Variants in MSLN observed in about 807,000 individuals in gnomAD.
The protein encoded by MSLN is CAK1 antigen.
In MSLN, 82 loss-of-function variants were observed where a neutral mutation model predicts 72.6. The observed-to-expected ratio is 1.13, with a 90% confidence interval of 0.94 to 1.36. The LOEUF (loss-of-function observed/expected upper bound fraction) is 1.36. Ranked by LOEUF, MSLN falls within the 40% of genes most tolerant of loss-of-function variation. MSLN has a pLI of 0.00. For missense variants in MSLN, 1,005 were observed against 847.9 expected, an observed-to-expected ratio of 1.19 and a Z score of -2.30; for synonymous variants, 456 against 387.3, an observed-to-expected ratio of 1.18 and a Z score of -2.08.
At position 766,118 on chromosome 16, in the gene MSLN, A is replaced by G. The variant is rs931649687; in HGVS notation, c.955A>G (p.Lys319Glu). The G allele has an allele frequency of 3.1e-6, 5 of 1,612,718 alleles. No individual in the cohort carries two copies. The highest frequency in any genetic ancestry group is 1.1e-5 in the South Asian group (1 of 91,086). The change falls in exon 12 of 18, where the codon AAG (lysine) becomes GAG (glutamate). Residue 319 changes from lysine to glutamate, a missense_variant. Physicochemically the swap from Lys to Glu is moderately conservative, Grantham distance 56. Coordinates refer to ENST00000545450, the MANE Select transcript of MSLN (RefSeq NM_005823.6). ...REIDESLIFY[K>E]KWELEACVDA... ...GATAGACGAGAGCCTCATCTTCTAC[A>G]AGAAGTGGGAGCTGGAAGCCTGCGT...
At position 766,183 on chromosome 16, in the gene MSLN, C is replaced by A. The variant is rs377050647; in HGVS notation, c.1020C>A (p.Asn340Lys). Residue 340 changes from asparagine to lysine, a missense_variant, in exon 12 of 18, where the codon AAC becomes AAA. By Grantham distance (94) the Asn-to-Lys change is moderately conservative. Transcript: ENST00000545450. ...ALLATQMDRV[N>K]AIPFTYEQLD... The stretch of plus-strand genomic sequence containing the variant: ...TGGCCACCCAGATGGACCGCGTGAA[C>A]GCCATCCCCTTCACCTACGAGCAGC... The A allele has an allele frequency of 1.9e-6, 3 of 1,612,562 alleles. No individual in the cohort carries two copies. In the South Asian group the frequency reaches 3.3e-5, roughly 18 times the overall value.
chr16:763,791 T>TCCCCTCCCCCACACCCTCCCCCACC, intron 5 of MSLN, 100 bp downstream of exon 5: 1 of 635,464 alleles, frequency 1.6e-6, no homozygotes, highest in Non-Finnish European at 2.7e-6. Flanking sequence ...CCCTCCCCCT[T>TCCCCTCCCCCACACCCTCCCCCACC]CCTCCTCTGC....
At chr16:763,563 G>T in intron 4 of MSLN, 79 bp from the exon 5 acceptor site, 1 of 1,396,106 alleles carries the variant, frequency 7.2e-7, no homozygotes. Context: ...GGAGTACCTG[G>T]CCCAGGGGTA....
At chr16:764,815 C>T in intron 7 of MSLN, 89 bp downstream of exon 7, 1 of 1,584,358 alleles carries the variant, frequency 6.3e-7, no homozygotes, top group Non-Finnish European at 8.6e-7. Flanking sequence ...GATCCCAGGC[C>T]ACAGCAGAGA....
In MSLN at chr16:765,202, C is replaced by T. The variant is rs8062940; in HGVS notation, c.603C>T (p.Ala201=). The part of the protein sequence containing the change: ...DLPGRFVAES[A]EVLLPRLVSC... ...CTGGGCGCTTTGTGGCCGAGTCGGC[C>T]GAAGTGCTGCTACCCCGGCTGGTGA... Residue 201 remains alanine, a synonymous_variant, in exon 9 of 18, where the codon GCC becomes GCT. Transcript: ENST00000545450. 6,440 of 1,591,668 alleles carry T rather than the reference C, an allele frequency of 4.0e-3. 103 individuals carry two copies. The African/African-American group carries it at 0.046, about 11-fold the overall frequency.
At position 765,735 on chromosome 16, in the gene MSLN, C is replaced by G. The variant is rs913112945; in HGVS notation, c.840C>G (p.Ser280=). Residue 280 remains serine, a synonymous_variant, in exon 11 of 18, where the codon TCC becomes TCG. Coordinates refer to ENST00000545450, the MANE Select transcript of MSLN (RefSeq NM_005823.6). Reference sequence around the variant, plus strand: ...GGCAACGCTCCTCTCGGGACCCATCCTGGCGGCAGCCTGAACGGACCATCC... The same window carrying G: ...GGCAACGCTCCTCTCGGGACCCATCGTGGCGGCAGCCTGAACGGACCATCC... The part of the protein sequence containing the change: ...AWRQRSSRDP[S]WRQPERTILR... 1.2e-6 allele frequency: 2 copies of G among 1,600,774 alleles called. No homozygotes were observed. The highest frequency in any genetic ancestry group is 3.3e-5 in the Admixed American group (2 of 59,970).
chr16:764,744 AACCC>A lies in MSLN; in HGVS notation c.380+23_380+26del. On this transcript the variant is annotated intron_variant, in intron 7 of 17. Coordinates refer to ENST00000545450, the MANE Select transcript of MSLN (RefSeq NM_005823.6). Reference sequence around the variant, plus strand: ...TTCCTCAAGTAGGCCCTGCCCCCTGAACCCACCCCCCCGGCTTTTGCCGCCAGCC... The same window carrying A: ...TTCCTCAAGTAGGCCCTGCCCCCTGAACCCCCCCGGCTTTTGCCGCCAGCC... The A allele has an allele frequency of 6.3e-7, 1 of 1,584,010 alleles. No homozygotes were observed. Among genetic ancestry groups the A allele is most frequent in the Non-Finnish European group, 8.6e-7 (1 of 1,157,100 alleles).
intron 5 of MSLN, 46 bp from the exon 6 acceptor site, chr16:763,977 G>T: frequency 6.3e-7 from 1 of 1,588,972 alleles, no homozygotes; most frequent in Non-Finnish European, 8.5e-7. Context: ...GGTGGACATT[G>T]CAGGGGAGGG....
At chr16:767,104 G>A (rs1055044281) in intron 15 of MSLN, 92 bp downstream of exon 15, 86 of 1,572,406 alleles carry the variant, frequency 5.5e-5, no homozygotes, top group Admixed American at 1.0e-4. Flanking sequence ...TCGCCGGGCC[G>A]TCTGCTGCCA....
chr16:767,337 A>AG (rs775936732), intron 15 of MSLN, 39 bp from the exon 16 acceptor site: 1 of 1,552,822 alleles, frequency 6.4e-7, no homozygotes, highest in Non-Finnish European at 8.9e-7. Context: ...TGGGGGTGTG[A>AG]GGTGAGGCCT....
At position 766,487 on chromosome 16, in the gene MSLN, TCAGGTGACCGTCC is replaced by T. The variant is rs764025983; in HGVS notation, c.1228_1230+10del. The T allele has an allele frequency of 1.2e-6, 2 of 1,612,368 alleles. No homozygotes were observed. The highest frequency in any genetic ancestry group is 2.7e-5 in the African/African-American group (2 of 74,858). On this transcript the variant is annotated splice_donor_variant and splice_donor_5th_base_variant and coding_sequence_variant and intron_variant, in exon 13 of 18. Coordinates refer to ENST00000545450, the MANE Select transcript of MSLN (RefSeq NM_005823.6). LOFTEE classifies it high-confidence loss of function. ...TCAACAAAGGGCACGAAATGAGTCCTCAGGTGACCGTCCGGCTCGGGGGTCATGTGGCATGAGA... is the reference window on the plus strand; with the variant it reads ...TCAACAAAGGGCACGAAATGAGTCCTGGCTCGGGGGTCATGTGGCATGAGA...
intron 11 of MSLN, 62 bp downstream of exon 11, chr16:765,852 CA>C (rs1250334803): frequency 1.3e-6 from 2 of 1,502,284 alleles, no homozygotes; most frequent in African/African-American, 2.8e-5. Context: ...GGGTGGGCAT[CA>C]CTTTAGGGTC....
In MSLN at chr16:766,239, T is replaced by C. The variant is rs563481735; in HGVS notation, c.1074+2T>C. ...GTCCTAAAGCATAAACTGGATGAGG[T>C]AGTTCATGACTCAAGTTCCCACCGG... is the stretch of plus-strand genomic sequence containing the variant. On this transcript the variant is annotated splice_donor_variant, in intron 12 of 17. Coordinates refer to ENST00000545450, the MANE Select transcript of MSLN (RefSeq NM_005823.6). LOFTEE classifies it high-confidence loss of function. The C allele has an allele frequency of 2.5e-6, 4 of 1,608,604 alleles. No individual in the cohort carries two copies. Among genetic ancestry groups the C allele is most frequent in the East Asian group, 2.2e-5 (1 of 44,696 alleles).
chr16:766,039 CT>C lies in MSLN; in HGVS notation c.896-19del, dbSNP rs776332525. On this transcript the variant is annotated intron_variant, in intron 11 of 17. Coordinates refer to ENST00000545450, the MANE Select transcript of MSLN (RefSeq NM_005823.6). ...GTCAAACGAACTCCGGCCCTGACCCCTGACCCCTGTGCCCTGCAGAGACAGC... is the reference window on the plus strand; with the variant it reads ...GTCAAACGAACTCCGGCCCTGACCCCGACCCCTGTGCCCTGCAGAGACAGC... 2 of 1,591,220 alleles carry C rather than the reference CT, an allele frequency of 1.3e-6. No homozygotes were observed. The highest frequency in any genetic ancestry group is 1.7e-6 in the Non-Finnish European group (2 of 1,166,884).
intron 5 of MSLN, 23 bp from the exon 6 acceptor site, chr16:764,000 G>A (rs761614156): frequency 4.4e-6 from 7 of 1,594,482 alleles, no homozygotes; most frequent in Admixed American, 1.7e-5. Flanking sequence ...GATCGTGGGT[G>A]CCCAGCCCGA....
chr16:762,324 G>A (rs2041545954), intron 2 of MSLN, among the ~76,000 whole-genome samples: 1 of 152,214 alleles, frequency 6.6e-6, no homozygotes, highest in African/African-American at 2.4e-5. Context: ...TGCGAGAGTG[G>A]GGAGACTCAG....
Position 766,794 on chromosome 16 carries a change from C to T in MSLN, c.1357C>T (p.Pro453Ser), listed in dbSNP as rs199983505. 32 of 1,612,242 alleles carry T rather than the reference C, an allele frequency of 2.0e-5. No homozygotes were observed. The highest frequency in any genetic ancestry group is 6.7e-5 in the East Asian group (3 of 44,878). The change falls in exon 14 of 18, where the codon CCC becomes TCC. Residue 453 changes from proline (P) to serine (S), a missense_variant. Coordinates refer to ENST00000545450, the MANE Select transcript of MSLN (RefSeq NM_005823.6). ...CAGCCCCGAGGAGCTGAGCTCCGTG[C>T]CCCCCAGCAGCATCTGGTGAGTCCC... is the stretch of plus-strand genomic sequence containing the variant. ...SLSPEELSSV[P>S]PSSIWAVRPQ...
At position 767,412 on chromosome 16, in the gene MSLN, A is replaced by T. The variant is rs1411558927; in HGVS notation, c.1538A>T (p.Gln513Leu). ...ACGGAGGATTTGAAGGCGCTCAGTC[A>T]GCAGAATGTGAGCATGGACTTGGCC... is the stretch of plus-strand genomic sequence containing the variant. ...APTEDLKALS[Q>L]QNVSMDLATF... The change falls in exon 16 of 18, where the codon CAG (glutamine) becomes CTG (leucine). Residue 513 changes from glutamine to leucine, a missense_variant. Transcript: ENST00000545450. 1.3e-6 allele frequency: 2 copies of T among 1,597,594 alleles called. No homozygotes were observed. The highest frequency in any genetic ancestry group is 2.2e-5 in the South Asian group (2 of 90,678).
rs377288711 is a variant in MSLN at position 765,218 on chromosome 16, C to T, written c.619C>T (p.Arg207Trp). The change falls in exon 9 of 18, where the codon CGG becomes TGG. Residue 207 changes from arginine to tryptophan, a missense_variant. By Grantham distance (101) the Arg-to-Trp change is moderately radical. Transcript: ENST00000545450. ...VAESAEVLLP[R>W]LVSCPGPLDQ... is the part of the protein sequence containing the mutation. ...CGAGTCGGCCGAAGTGCTGCTACCC[C>T]GGCTGGTGAGCTGCCCGGGACCCCT... is the stretch of plus-strand genomic sequence containing the variant. The T allele has an allele frequency of 4.0e-5, 63 of 1,587,340 alleles. 1 individual carries two copies. Among genetic ancestry groups the T allele is most frequent in the East Asian group, 2.3e-4 (10 of 44,156 alleles).
Sources: gnomAD v4.1 joint callset for allele counts (sites outside exome capture counted in the v4.1 genomes callset) on GRCh38, gnomAD v4.1.1 for gene constraint, MANE v1.5 for transcripts, NCBI Gene and HGNC (gene_info 2026-07-23, HGNC 2026-07-21) for gene names.